CADM2: variants seen among roughly 807,000 people sequenced by gnomAD.
The protein encoded by CADM2 is immunoglobulin superfamily member 4D.
CADM2 carries 12 observed loss-of-function variants against 49.8 expected under a neutral mutation model. The observed-to-expected ratio is 0.24, with a 90% CI of 0.15 to 0.39. The LOEUF (loss-of-function observed/expected upper bound fraction) is 0.39. Among genes scored for constraint, CADM2 ranks in the 10% least tolerant of loss-of-function variants. The pLI is 1.00. For missense variants in CADM2, 378 were observed against 492.3 expected, an observed-to-expected ratio of 0.77 and a Z score of 2.20; for synonymous variants, 214 against 175.4, an observed-to-expected ratio of 1.22 and a Z score of -1.74.
intron 5 of CADM2, among the ~76,000 whole-genome samples, chr3:85,886,588 ATTAAG>A (rs1713689652): frequency 1.3e-5 from 2 of 152,156 alleles, no homozygotes; most frequent in Non-Finnish European, 1.5e-5. Flanking sequence ...TGAGGGAATA[ATTAAG>A]TTAATATATG....
intron 8 of CADM2, among the ~76,000 whole-genome samples, chr3:86,049,707 G>A (rs956102446): frequency 6.6e-6 from 1 of 152,162 alleles, no homozygotes; most frequent in African/African-American, 2.4e-5. Context: ...GGCAAAGGGG[G>A]AAGGAGGAAG....
chr3:85,173,342 A>C (rs770968522), intron 1 of CADM2, among the ~76,000 whole-genome samples: 6 of 152,192 alleles, frequency 3.9e-5, no homozygotes, highest in Non-Finnish European at 7.3e-5. Flanking sequence ...AATGATTTTC[A>C]TGTGACTGTA....
chr3:85,769,514 CGTATATACATATATGT>C lies in CADM2; in HGVS notation c.89-32532_89-32517del, dbSNP rs1289470918. The stretch of plus-strand genomic sequence containing the variant: ...ATATATACATATATGTATATATACA[CGTATATACATATATGT>C]ATATATACACGTATATACATATATG... On this transcript the variant is annotated intron_variant, in intron 2 of 9. Coordinates refer to ENST00000383699, the MANE Select transcript of CADM2 (RefSeq NM_001167675.2). Among the ~76,000 whole-genome samples the C allele has an allele frequency of 3.5e-3, 216 of 61,924 alleles. 5 individuals are homozygous for C. Among genetic ancestry groups the C allele is most frequent in the East Asian group, 0.013 (20 of 1,524 alleles). 40.6% of individuals were successfully genotyped at this position (61,924 alleles called of 152,430 possible).
chr3:85,817,031 G>A (rs1020235049), intron 3 of CADM2, among the ~76,000 whole-genome samples: 1 of 152,108 alleles, frequency 6.6e-6, no homozygotes, highest in Non-Finnish European at 1.5e-5. Context: ...TTACAAATTA[G>A]GTTAGGTATT....
chr3:85,558,823 T>C (rs564125669), intron 1 of CADM2, among the ~76,000 whole-genome samples: 1 of 152,206 alleles, frequency 6.6e-6, no homozygotes, highest in Admixed American at 6.5e-5. Context: ...TTGGAAGTCT[T>C]ACAGGCACCA....
intron 1 of CADM2, among the ~76,000 whole-genome samples, chr3:85,231,408 G>A (rs2042285336): frequency 6.7e-6 from 1 of 149,886 alleles, no homozygotes; most frequent in African/African-American, 2.5e-5. Flanking sequence ...ATTTAAGATT[G>A]GAGGTAATCA....
At chr3:85,284,149 G>T (rs1576278613) in intron 1 of CADM2, among the ~76,000 whole-genome samples, 2 of 152,210 alleles carry the variant, frequency 1.3e-5, no homozygotes, top group Admixed American at 6.5e-5. Flanking sequence ...TTAACAAAAT[G>T]TTCCAAATTT....
At chr3:85,245,649 C>CT (rs1285111511) in intron 1 of CADM2, among the ~76,000 whole-genome samples, 2 of 152,148 alleles carry the variant, frequency 1.3e-5, no homozygotes, top group African/African-American at 4.8e-5. Context: ...TTGATCAACA[C>CT]TTAAGGAAAT....
chr3:85,815,387 C>T (rs924501851), intron 3 of CADM2, among the ~76,000 whole-genome samples: 2 of 152,060 alleles, frequency 1.3e-5, no homozygotes, highest in Admixed American at 1.3e-4. Flanking sequence ...CATCAAAAAG[C>T]TTATCCACCA....
At chr3:85,488,490 G>C (rs747772790) in intron 1 of CADM2, among the ~76,000 whole-genome samples, 3 of 151,962 alleles carry the variant, frequency 2.0e-5, no homozygotes, top group Non-Finnish European at 4.4e-5. Context: ...GGGATGATGA[G>C]ATGATTTAGG....
chr3:85,238,583 T>TTA (rs2042460599), intron 1 of CADM2, among the ~76,000 whole-genome samples: 3 of 151,696 alleles, frequency 2.0e-5, no homozygotes, highest in Admixed American at 1.3e-4. Flanking sequence ...ACTAGCCAGA[T>TTA]CAACAGCTTA....
intron 1 of CADM2, among the ~76,000 whole-genome samples, chr3:85,655,982 T>A (rs1245225240): frequency 2.6e-5 from 4 of 151,864 alleles, no homozygotes; most frequent in Admixed American, 6.6e-5. Flanking sequence ...TTTTTTTTTT[T>A]AATTCTCTTC....
chr3:85,369,160 G>A (rs957969360), intron 1 of CADM2, among the ~76,000 whole-genome samples: 1 of 152,126 alleles, frequency 6.6e-6, no homozygotes. Context: ...GTAACTTATT[G>A]CAGTGAAATT....
chr3:85,565,681 A>G (rs2062234994), intron 1 of CADM2, among the ~76,000 whole-genome samples: 1 of 152,106 alleles, frequency 6.6e-6, no homozygotes, highest in South Asian at 2.1e-4. Flanking sequence ...GAACTTGAAG[A>G]AGACAATCTT....
chr3:85,147,728 A>T (rs1046780764), intron 1 of CADM2, among the ~76,000 whole-genome samples: 10 of 152,154 alleles, frequency 6.6e-5, no homozygotes, highest in Non-Finnish European at 1.0e-4. Context: ...TTTGTTCAGG[A>T]TGTTAAAAGA....
At chr3:85,012,872 A>C (rs535908652) in intron 1 of CADM2, among the ~76,000 whole-genome samples, 1 of 151,930 alleles carries the variant, frequency 6.6e-6, no homozygotes, top group African/African-American at 2.4e-5. Flanking sequence ...AGGACAAAAA[A>C]AGTACCAGGA....
chr3:85,095,692 T>G (rs2037769036), intron 1 of CADM2, among the ~76,000 whole-genome samples: 1 of 152,192 alleles, frequency 6.6e-6, no homozygotes, highest in Non-Finnish European at 1.5e-5. Flanking sequence ...ACATTTTGTT[T>G]GAAAATTCCT....
chr3:85,430,502 A>G (rs2036609481), intron 1 of CADM2, among the ~76,000 whole-genome samples: 1 of 151,834 alleles, frequency 6.6e-6, no homozygotes, highest in African/African-American at 2.4e-5. Flanking sequence ...TGGGTGACAG[A>G]GCAAGACCTT....
chr3:85,072,463 A>C (rs1278937327), intron 1 of CADM2, among the ~76,000 whole-genome samples: 1 of 152,090 alleles, frequency 6.6e-6, no homozygotes, highest in East Asian at 1.9e-4. Context: ...AAACCTTTTT[A>C]AGTGCCATTT....
Sources: gnomAD v4.1 joint callset for allele counts (sites outside exome capture counted in the v4.1 genomes callset) on GRCh38, gnomAD v4.1.1 for gene constraint, MANE v1.5 for transcripts, NCBI Gene and HGNC (gene_info 2026-07-23, HGNC 2026-07-21) for gene names.